The following RAF1 variants were observed in gnomAD, a reference collection of about 807,000 sequenced individuals.
The protein encoded by RAF1 is Raf-1 proto-oncogene, serine/threonine kinase, also known as RAF proto-oncogene serine/threonine-protein kinase.
In RAF1, 27 loss-of-function variants were observed where a neutral mutation model predicts 81.1. The observed-to-expected ratio is 0.33, with a 90% CI of 0.25 to 0.46. The LOEUF is 0.46. Ranked by LOEUF, RAF1 falls within the 20% of genes least tolerant of loss-of-function variation. The pLI is 1.00. For missense variants in RAF1, 598 were observed against 826.0 expected (o/e 0.72, Z 3.38); for synonymous variants, 298 against 294.0 (o/e 1.01, Z -0.14).
At chr3:12,643,462 C>A (rs924041413) in intron 1 of RAF1, among the ~76,000 whole-genome samples, 2 of 152,012 alleles carry the variant, frequency 1.3e-5, no homozygotes, top group Non-Finnish European at 2.9e-5. Context: ...AAAAAGAAGC[C>A]GGGTGCAGTG....
intron 1 of RAF1, among the ~76,000 whole-genome samples, chr3:12,661,715 A>C (rs1375712416): frequency 6.6e-6 from 1 of 152,120 alleles, no homozygotes; most frequent in African/African-American, 2.4e-5. Context: ...AAAAATAAAA[A>C]ACAATAGAAT....
At chr3:12,644,243 A>G (rs1275467578) in intron 1 of RAF1, among the ~76,000 whole-genome samples, 2 of 152,192 alleles carry the variant, frequency 1.3e-5, no homozygotes, top group Non-Finnish European at 2.9e-5. Flanking sequence ...ATTTTAAGTG[A>G]TTTGAATCCT....
At chr3:12,647,888 T>G (rs922185405) in intron 1 of RAF1, among the ~76,000 whole-genome samples, 5 of 152,228 alleles carry the variant, frequency 3.3e-5, no homozygotes, top group African/African-American at 1.2e-4. Flanking sequence ...TTCTAAAAGT[T>G]AGCAGGGGCT....
chr3:12,651,724 T>C (rs894302069), intron 1 of RAF1, among the ~76,000 whole-genome samples: 15 of 149,928 alleles, frequency 1.0e-4, no homozygotes, highest in African/African-American at 3.4e-4. Flanking sequence ...AAATTAAAAA[T>C]ATGAGCTGGG....
At chr3:12,603,858 C>T (rs1273640684) in intron 7 of RAF1, among the ~76,000 whole-genome samples, 1 of 152,200 alleles carries the variant, frequency 6.6e-6, no homozygotes, top group African/African-American at 2.4e-5. Context: ...ATATCTTAGA[C>T]ACTTGTTCAT....
chr3:12,627,968 A>C (rs2125486732), intron 1 of RAF1, among the ~76,000 whole-genome samples: 1 of 152,324 alleles, frequency 6.6e-6, no homozygotes. Context: ...AAAAATACAA[A>C]AATTAGCCGG....
chr3:12,609,137 T>C, intron 4 of RAF1, 96 bp downstream of exon 4: 1 of 852,352 alleles, frequency 1.2e-6, no homozygotes, highest in South Asian at 1.5e-5. Context: ...ACAATCCAAC[T>C]ATATATATAT....
intron 1 of RAF1, among the ~76,000 whole-genome samples, chr3:12,652,053 AATGAT>A: frequency 6.7e-6 from 1 of 149,394 alleles, no homozygotes; most frequent in African/African-American, 2.5e-5. Flanking sequence ...TAAATAAATA[AATGAT>A]ATAAAAAATT....
intron 1 of RAF1, among the ~76,000 whole-genome samples, chr3:12,633,801 G>T (rs1344178929): frequency 6.6e-6 from 1 of 151,660 alleles, no homozygotes; most frequent in Non-Finnish European, 1.5e-5. Context: ...TGGGTGTGGT[G>T]GTGCGCACCT....
At chr3:12,644,654 G>A (rs572226578) in intron 1 of RAF1, among the ~76,000 whole-genome samples, 2 of 152,138 alleles carry the variant, frequency 1.3e-5, no homozygotes, top group Non-Finnish European at 2.9e-5. Context: ...TCTGAGTAGG[G>A]AAACACCCAC....
chr3:12,616,307 G>A (rs1039432429), intron 2 of RAF1, among the ~76,000 whole-genome samples: 1 of 152,186 alleles, frequency 6.6e-6, no homozygotes, highest in Non-Finnish European at 1.5e-5. Context: ...AGATGGGGAT[G>A]GAGAAGATAG....
Position 12,584,539 on chromosome 3 carries a change from G to C in RAF1, c.1982C>G (p.Thr661Arg), listed in dbSNP as rs587777587. ...CTAGAAGACAGGCAGCCTCGGGGACGTGGTCAGCGTGCAAGCATTGATATC... is the reference window on the plus strand; with the variant it reads ...CTAGAAGACAGGCAGCCTCGGGGACCTGGTCAGCGTGCAAGCATTGATATC... The change falls in exon 18 of 18, where the codon ACG (threonine) becomes AGG (arginine). Residue 661 changes from threonine to arginine, a missense_variant. By Grantham distance (71) the Thr-to-Arg change is moderately conservative (BLOSUM62 -1). This residue lies in a region of RAF1 where 147 missense variants were observed against 196.1 expected (regional missense o/e 0.75). Transcript: ENST00000442415. The C allele has an allele frequency of 6.2e-6, 10 of 1,614,184 alleles. No homozygotes were observed. Among genetic ancestry groups the C allele is most frequent in the Non-Finnish European group, 6.8e-6 (8 of 1,180,050 alleles).
At chr3:12,602,515 C>A (rs2058892400) in intron 8 of RAF1, among the ~76,000 whole-genome samples, 1 of 152,092 alleles carries the variant, frequency 6.6e-6, no homozygotes, top group Non-Finnish European at 1.5e-5. Flanking sequence ...CCAAGCCCAG[C>A]TAATTTTTAC....
intron 1 of RAF1, among the ~76,000 whole-genome samples, chr3:12,652,058 T>TG: frequency 7.8e-6 from 1 of 127,552 alleles, no homozygotes; most frequent in Non-Finnish European, 1.7e-5. Context: ...AAATAAATGA[T>TG]ATAAAAAATT....
At position 12,584,472 on chromosome 3, in the gene RAF1, T is replaced by A; in HGVS notation, c.*42A>T. On this transcript the variant is annotated 3_prime_UTR_variant, in exon 18 of 18. Coordinates refer to ENST00000442415, the MANE Select transcript of RAF1 (RefSeq NM_001354689.3). ...AGCAGAAAAGTGGTGCCTGCTGGCTTCTCCTCCTCCCCTGGCAGCCTGAAG... is the reference window on the plus strand; with the variant it reads ...AGCAGAAAAGTGGTGCCTGCTGGCTACTCCTCCTCCCCTGGCAGCCTGAAG... 2 of 1,613,686 alleles carry A rather than the reference T, an allele frequency of 1.2e-6. No individual in the cohort carries two copies. The highest frequency in any genetic ancestry group is 4.5e-5 in the East Asian group (2 of 44,874).
At chr3:12,619,759 A>C (rs780558860) in intron 1 of RAF1, among the ~76,000 whole-genome samples, 1 of 152,070 alleles carries the variant, frequency 6.6e-6, no homozygotes, top group Non-Finnish European at 1.5e-5. Context: ...AGAAAAACTA[A>C]TATTTCTAGG....
intron 1 of RAF1, among the ~76,000 whole-genome samples, chr3:12,648,047 C>A (rs1483685084): frequency 6.6e-6 from 1 of 152,204 alleles, no homozygotes; most frequent in Admixed American, 6.5e-5. Flanking sequence ...ACTCTCACCA[C>A]AAATAAGCTT....
chr3:12,585,835 T>C (rs2058317059), intron 14 of RAF1, 36 bp from the exon 14 acceptor site: 11 of 1,481,938 alleles, frequency 7.4e-6, no homozygotes, highest in Non-Finnish European at 1.0e-5. Flanking sequence ...TTCAAAAGAA[T>C]GGTCAGGTTA....
chr3:12,644,915 T>A (rs1173323655), intron 1 of RAF1, among the ~76,000 whole-genome samples: 1 of 151,744 alleles, frequency 6.6e-6, no homozygotes, highest in Non-Finnish European at 1.5e-5. Context: ...CTGGCCAACA[T>A]GATGAAACCT....
Sources: allele counts gnomAD v4.1 joint callset (sites outside exome capture counted in the v4.1 genomes callset), GRCh38; gene constraint gnomAD v4.1.1; regional missense constraint gnomAD v4.1.1; transcripts MANE v1.5; gene names NCBI Gene and HGNC (gene_info 2026-07-23, HGNC 2026-07-21).